Variants in CFAP65 observed in about 807,000 individuals in gnomAD.
CFAP65 encodes cilia and flagella associated protein 65, also known as cilia- and flagella-associated protein 65.
Under a neutral mutation model 208.0 loss-of-function variants are expected in CFAP65, and 155 were observed. That is an observed-to-expected ratio of 0.75 (90% CI 0.65 to 0.85). The LOEUF (loss-of-function observed/expected upper bound fraction) is 0.85, where lower values mean the gene tolerates loss of function less well. Among genes scored for constraint, CFAP65 ranks in the 40% least tolerant of loss-of-function variants. The probability of loss-of-function intolerance (pLI) is 0.00; values close to 1 mark genes in which losing one functional copy is unlikely to be tolerated. For missense variants in CFAP65, 2,294 were observed against 2,451.3 expected, an observed-to-expected ratio of 0.94 and a Z score of 1.36; for synonymous variants, 970 against 986.3, an observed-to-expected ratio of 0.98 and a Z score of 0.31.
In CFAP65 at chr2:219,029,584, T is replaced by C. The variant is rs1321890753; in HGVS notation, c.1469A>G (p.Glu490Gly). 1.9e-6 allele frequency: 3 copies of C among 1,614,128 alleles called. No homozygotes were observed. The highest frequency in any genetic ancestry group is 2.5e-6 in the Non-Finnish European group (3 of 1,180,016). ...GTGGGCCGTGCAGTCCGATTGGTTCTCAATCCACAGGGGCTGCTCGGAGCG... is the reference window on the plus strand; with the variant it reads ...GTGGGCCGTGCAGTCCGATTGGTTCCCAATCCACAGGGGCTGCTCGGAGCG... ...GERSEQPLWIENQSDCTAHFQ... is the reference protein window; with the variant it reads ...GERSEQPLWIGNQSDCTAHFQ... The change falls in exon 11 of 35, where the codon GAG becomes GGG. Residue 490 changes from glutamate (E) to glycine (G), a missense_variant. Coordinates refer to ENST00000341552, the MANE Select transcript of CFAP65 (RefSeq NM_194302.4).
intron 4 of CFAP65, among the ~76,000 whole-genome samples, chr2:219,036,721 G>C (rs897325759): frequency 3.3e-5 from 5 of 152,232 alleles, no homozygotes; most frequent in Non-Finnish European, 7.3e-5. Flanking sequence ...TGGGATTACA[G>C]GTGTGAGCCA....
rs1316695959 is a variant in CFAP65 at position 219,004,729 on chromosome 2, A to C, written c.5052-274T>G. Among the ~76,000 whole-genome samples, 8 of 145,716 alleles carry C rather than the reference A, an allele frequency of 5.5e-5. No homozygotes were observed. Among genetic ancestry groups the C allele is most frequent in the Non-Finnish European group, 1.2e-4 (8 of 67,278 alleles). Reference sequence around the variant, plus strand: ...TGGGGAGATAGTGGACTGGCTCCAGACTCATCTGCCAGCCCTGGAATGGGG... The same window carrying C: ...TGGGGAGATAGTGGACTGGCTCCAGCCTCATCTGCCAGCCCTGGAATGGGG... On this transcript the variant is annotated intron_variant, in intron 32 of 34. Transcript: ENST00000341552. This position sits in a 1 kb window ranked among gnomAD's most constrained non-coding sequence, Gnocchi z 4.7.
chr2:219,024,942 T>C (rs1168735249), intron 14 of CFAP65, among the ~76,000 whole-genome samples: 2 of 151,844 alleles, frequency 1.3e-5, no homozygotes, highest in African/African-American at 4.8e-5. Context: ...TATCAGAAAA[T>C]ACAAAATAAA....
intron 13 of CFAP65, 22 bp from the exon 14 acceptor site, chr2:219,026,181 G>C: frequency 1.2e-6 from 2 of 1,600,934 alleles, no homozygotes; most frequent in Non-Finnish European, 1.7e-6. Context: ...CCAGACCCAC[G>C]GAAAAGCTCA....
chr2:219,006,356 C>A, intron 30 of CFAP65, 109 bp downstream of exon 30: 1 of 1,508,436 alleles, frequency 6.6e-7, no homozygotes, highest in South Asian at 1.1e-5. Context: ...TTGGCACTTT[C>A]ATCCCTCCTT....
chr2:219,027,454 G>A, intron 13 of CFAP65, 196 bp downstream of exon 13: 1 of 1,536,808 alleles, frequency 6.5e-7, no homozygotes, highest in Non-Finnish European at 8.8e-7. Context: ...ATAAGAATGA[G>A]AAAATCAGAT....
In CFAP65 at chr2:219,027,719, G is replaced by A; in HGVS notation, c.2142C>T (p.Arg714=). Residue 714 remains arginine, a synonymous_variant, in exon 13 of 35, where the codon CGC becomes CGT. Coordinates refer to ENST00000341552, the MANE Select transcript of CFAP65 (RefSeq NM_194302.4). ...TGGGGTGAGGCGGCTGGAAGTGCAG[G>A]CGCATGGCCATGGACTTGAGTGGGG... ...DVPPLKSMAM[R]LHFQPPHPNC... is the part of the protein sequence containing the mutation. 6.2e-7 allele frequency: 1 copy of A among 1,614,076 alleles called. No homozygotes were observed. The highest frequency in any genetic ancestry group is 8.5e-7 in the Non-Finnish European group (1 of 1,180,042).
At chr2:219,009,512 A>C in intron 27 of CFAP65, 52 bp from the exon 28 acceptor site, 1 of 1,252,930 alleles carries the variant, frequency 8.0e-7, no homozygotes, top group Non-Finnish European at 1.2e-6. Flanking sequence ...GGAATTGGAT[A>C]GGATGGCACG....
Position 219,030,053 on chromosome 2 carries a change from G to A in CFAP65, c.1317C>T (p.Asp439=), listed in dbSNP as rs1947912578. The change falls in exon 10 of 35, where the codon GAC becomes GAT. Residue 439 remains aspartate, a synonymous_variant. Coordinates refer to ENST00000341552, the MANE Select transcript of CFAP65 (RefSeq NM_194302.4). Reference sequence around the variant, plus strand: ...AGCCAGAAGGCATGATGGAGCAGTAGTCCACAGTTCTGGTGTCCAGAGTCT... The same window carrying A: ...AGCCAGAAGGCATGATGGAGCAGTAATCCACAGTTCTGGTGTCCAGAGTCT... The part of the protein sequence containing the change: ...HPKTLDTRTV[D]YCSIMPSGCA... The A allele has an allele frequency of 6.2e-7, 1 of 1,613,992 alleles. No homozygotes were observed. The highest frequency in any genetic ancestry group is 8.5e-7 in the Non-Finnish European group (1 of 1,180,012).
intron 27 of CFAP65, 97 bp downstream of exon 27, chr2:219,009,816 GGGGATGGGATGGGATGGGGTTTGTGGGGT>G: frequency 3.2e-6 from 2 of 631,826 alleles, no homozygotes; most frequent in Admixed American, 4.3e-5. Flanking sequence ...TGGAGTGGGG[GGGGATGGGATGGGATGGGGTTTGTGGGGT>G]GGGATGGGAT....
chr2:219,013,522 G>A lies in CFAP65; in HGVS notation c.3843C>T (p.Ile1281=), dbSNP rs1946628622. ...VLFKVSHGRE[I]LLNFIGVTVK... is the part of the protein sequence containing the mutation. The stretch of plus-strand genomic sequence containing the variant: ...GGCCAGTGTGCTGGGGCCTCACCAG[G>A]ATCTCCCGGCCATGGGACACCTTGA... The change falls in exon 23 of 35, where the codon ATC becomes ATT. Residue 1281 remains isoleucine, a synonymous_variant. Transcript: ENST00000341552. 6.3e-7 allele frequency: 1 copy of A among 1,597,672 alleles called. No homozygotes were observed. Among genetic ancestry groups the A allele is most frequent in the Non-Finnish European group, 8.5e-7 (1 of 1,173,656 alleles).
upstream of CFAP65, chr2:219,041,544 A>G (rs1374072794): frequency 3.2e-6 from 5 of 1,550,506 alleles, no homozygotes; most frequent in Admixed American, 2.0e-5. Flanking sequence ...CGGCGTCTTC[A>G]GATATCCCAG....
chr2:219,032,452 C>A lies in CFAP65; in HGVS notation c.645+18G>T. The stretch of plus-strand genomic sequence containing the variant: ...TCCCAGGTACCTCCCTGCCCTCACT[C>A]GCTGTGGCAGACCTTACCGCCTCCA... On this transcript the variant is annotated intron_variant, in intron 6 of 34. Coordinates refer to ENST00000341552, the MANE Select transcript of CFAP65 (RefSeq NM_194302.4). The surrounding 1 kb of genome is among the most constrained non-coding windows in gnomAD (Gnocchi z 5.5). 6.4e-7 allele frequency: 1 copy of A among 1,565,136 alleles called. No homozygotes were observed. Among genetic ancestry groups the A allele is most frequent in the Non-Finnish European group, 8.7e-7 (1 of 1,153,798 alleles).
rs755170128 is a variant in CFAP65 at position 219,009,033 on chromosome 2, T to A, written c.4674+14A>T. 1 of 1,601,194 alleles carries A rather than the reference T, an allele frequency of 6.2e-7. No individual in the cohort carries two copies. Among genetic ancestry groups the A allele is most frequent in the East Asian group, 2.2e-5 (1 of 44,814 alleles). Reference sequence around the variant, plus strand: ...AAAGATCTGGGTGTTTGAGATCTACTCAGCCCTCCTCACCTTCACTTTCAT... The same window carrying A: ...AAAGATCTGGGTGTTTGAGATCTACACAGCCCTCCTCACCTTCACTTTCAT... On this transcript the variant is annotated intron_variant, in intron 29 of 34. Transcript: ENST00000341552.
chr2:219,040,165 T>C (rs1376217965), intron 2 of CFAP65, among the ~76,000 whole-genome samples: 2 of 152,140 alleles, frequency 1.3e-5, no homozygotes, highest in Non-Finnish European at 2.9e-5. Context: ...TTTTAATTCT[T>C]ACAACAGTTT....
intron 21 of CFAP65, among the ~76,000 whole-genome samples, chr2:219,018,012 G>A (rs1010317768): frequency 6.6e-6 from 1 of 152,150 alleles, no homozygotes; most frequent in African/African-American, 2.4e-5. Context: ...AGGAGAAAGG[G>A]GACAGTCAGA....
intron 1 of CFAP65, among the ~76,000 whole-genome samples, 158 bp from the exon 2 acceptor site, chr2:219,040,722 G>C (rs548260286): frequency 6.6e-6 from 1 of 152,324 alleles, no homozygotes; most frequent in South Asian, 2.1e-4. Flanking sequence ...AACTATTCCA[G>C]AGAGTGCATG....
At position 219,032,290 on chromosome 2, in the gene CFAP65, G is replaced by A. The variant is rs1448109144; in HGVS notation, c.645+180C>T. 1.3e-5 allele frequency among the ~76,000 whole-genome samples: 2 copies of A among 152,144 alleles called. No individual in the cohort carries two copies. Among genetic ancestry groups the A allele is most frequent in the African/African-American group, 2.4e-5 (1 of 41,432 alleles). On this transcript the variant is annotated intron_variant, in intron 6 of 34. Coordinates refer to ENST00000341552, the MANE Select transcript of CFAP65 (RefSeq NM_194302.4). The surrounding 1 kb of genome is among the most constrained non-coding windows in gnomAD (Gnocchi z 5.5). The stretch of plus-strand genomic sequence containing the variant: ...TTACCCCCAGCATCTCCTGGGGAAC[G>A]CCCTCTGTCTAATGAGATGAGGGGC...
At chr2:219,005,672 G>T in intron 31 of CFAP65, 110 bp from the exon 32 acceptor site, 1 of 1,335,104 alleles carries the variant, frequency 7.5e-7, no homozygotes, top group Non-Finnish European at 1.0e-6. Context: ...TGAGTTTGAG[G>T]CACTCCCAGC....
Sources: gnomAD v4.1 joint callset for allele counts (sites outside exome capture counted in the v4.1 genomes callset) on GRCh38, gnomAD v4.1.1 for gene constraint, Gnocchi (gnomAD v3.1) non-coding constraint, MANE v1.5 for transcripts, NCBI Gene and HGNC (gene_info 2026-07-23, HGNC 2026-07-21) for gene names.